The following NBAS variants were observed in gnomAD, a reference collection of about 807,000 sequenced individuals.
NBAS encodes the protein NBAS subunit of NRZ tethering complex.
A neutral mutation model predicts 302.5 loss-of-function variants in NBAS; 219 were observed. The ratio of observed to expected loss-of-function variants is 0.72; its 90% CI spans 0.65 to 0.81. The LOEUF is 0.81. Ranked by LOEUF, NBAS falls within the 30% of genes least tolerant of loss-of-function variation. The pLI, the probability that NBAS is intolerant of heterozygous loss-of-function variation, is 0.00. For synonymous variants in NBAS, 1,118 were observed against 1,021.6 expected, an observed-to-expected ratio of 1.09 and a Z score of -1.80; for missense variants, 2,932 against 2,841.6, an observed-to-expected ratio of 1.03 and a Z score of -0.72.
In NBAS at chr2:15,467,652, CA is replaced by C; in HGVS notation, c.2018+11del. ...AAAGAAACTATCAAATGAACAGTAACAACTCATTTACTTGGAAAAGTTCACT... is the reference window on the plus strand; with the variant it reads ...AAAGAAACTATCAAATGAACAGTAACACTCATTTACTTGGAAAAGTTCACT... On this transcript the variant is annotated intron_variant, in intron 18 of 51. Transcript: ENST00000281513. The C allele has an allele frequency of 1.2e-6, 2 of 1,608,744 alleles. No homozygotes were observed. The highest frequency in any genetic ancestry group is 1.7e-6 in the Non-Finnish European group (2 of 1,175,664).
intron 35 of NBAS, among the ~76,000 whole-genome samples, chr2:15,337,909 C>A (rs1672665411): frequency 6.6e-6 from 1 of 152,232 alleles, no homozygotes; most frequent in Admixed American, 6.5e-5. Context: ...TAGTGGCACA[C>A]TGCTAATTAA....
At chr2:14,853,452 G>C in the NBAS span, among the ~76,000 whole-genome samples, 13 of 95,418 alleles carry the variant, frequency 1.4e-4, 5 homozygotes, top group East Asian at 5.3e-4. Flanking sequence ...GGAGAAATAG[G>C]GACACTTTTA....
chr2:15,074,609 A>G, the NBAS span, among the ~76,000 whole-genome samples: 4 of 152,054 alleles, frequency 2.6e-5, no homozygotes, highest in Admixed American at 2.6e-4. Context: ...GTTATATATT[A>G]TATAATAGGA....
chr2:15,475,263 T>TG (rs1227399388), intron 14 of NBAS, among the ~76,000 whole-genome samples: 1 of 152,172 alleles, frequency 6.6e-6, no homozygotes, highest in Non-Finnish European at 1.5e-5. Context: ...GACCAAAAGA[T>TG]AACTTTACAG....
At chr2:14,854,875 GT>G in the NBAS span, among the ~76,000 whole-genome samples, 1 of 152,204 alleles carries the variant, frequency 6.6e-6, no homozygotes, top group South Asian at 2.1e-4. Flanking sequence ...GTGAGTCCTA[GT>G]GATGAAATAG....
At chr2:14,944,308 C>CA in the NBAS span, among the ~76,000 whole-genome samples, 2 of 150,990 alleles carry the variant, frequency 1.3e-5, no homozygotes, top group Non-Finnish European at 3.0e-5. Flanking sequence ...CGTCTCAAAA[C>CA]AAAAAACAAA....
At chr2:14,945,654 T>C in the NBAS span, among the ~76,000 whole-genome samples, 1 of 151,988 alleles carries the variant, frequency 6.6e-6, no homozygotes, top group Non-Finnish European at 1.5e-5. Flanking sequence ...AAAAAATTAA[T>C]TAGAGGCTCT....
intron 5 of NBAS, 52 bp downstream of exon 5, chr2:15,553,374 T>A (rs1664472766): frequency 6.8e-7 from 1 of 1,467,242 alleles, no homozygotes; most frequent in Non-Finnish European, 9.5e-7. Context: ...ATTTATAGAG[T>A]AACAAATATT....
At chr2:14,945,040 T>A in the NBAS span, among the ~76,000 whole-genome samples, 1 of 152,202 alleles carries the variant, frequency 6.6e-6, no homozygotes, top group East Asian at 1.9e-4. Context: ...CTGGAAACTC[T>A]ACTGTGTAAC....
chr2:14,855,914 T>C, the NBAS span, among the ~76,000 whole-genome samples: 2 of 152,226 alleles, frequency 1.3e-5, no homozygotes, highest in Admixed American at 1.3e-4. Flanking sequence ...CCCCAGGGCA[T>C]TGAACACACA....
At chr2:14,944,217 G>A in the NBAS span, among the ~76,000 whole-genome samples, 3 of 152,130 alleles carry the variant, frequency 2.0e-5, no homozygotes, top group Non-Finnish European at 4.4e-5. Flanking sequence ...GGAGAATGGC[G>A]TGAACCCGGG....
At chr2:15,431,791 T>C (rs1346621517) in intron 21 of NBAS, among the ~76,000 whole-genome samples, 1 of 152,154 alleles carries the variant, frequency 6.6e-6, no homozygotes, top group Non-Finnish European at 1.5e-5. Context: ...CTAGTAGTAA[T>C]GGTATACATC....
intron 39 of NBAS, among the ~76,000 whole-genome samples, chr2:15,308,670 G>T (rs1312241808): frequency 1.3e-5 from 2 of 152,150 alleles, no homozygotes; most frequent in Non-Finnish European, 2.9e-5. Context: ...CTGCCTAATT[G>T]CCCTGGCCAG....
chr2:15,462,622 T>TGAGG (rs955419969), intron 19 of NBAS, among the ~76,000 whole-genome samples: 10 of 126,312 alleles, frequency 7.9e-5, no homozygotes, highest in Non-Finnish European at 1.5e-4. Flanking sequence ...GTGGAGGAGG[T>TGAGG]GAGGGAGGGA....
intron 25 of NBAS, 79 bp downstream of exon 25, chr2:15,415,467 C>A (rs986476759): frequency 1.6e-6 from 2 of 1,263,986 alleles, no homozygotes; most frequent in Middle Eastern, 2.5e-4. Flanking sequence ...GCAAAGCCTA[C>A]CATAAAAATT....
At chr2:15,154,350 G>A in the NBAS span, among the ~76,000 whole-genome samples, 1 of 152,174 alleles carries the variant, frequency 6.6e-6, no homozygotes, top group East Asian at 1.9e-4. Context: ...CCTCTGTGGG[G>A]AGAATGATGC....
chr2:15,456,840 C>CAAGGAA (rs1328312673), intron 21 of NBAS, among the ~76,000 whole-genome samples: 5 of 151,702 alleles, frequency 3.3e-5, no homozygotes, highest in African/African-American at 1.2e-4. Flanking sequence ...ATAGGAAGGC[C>CAAGGAA]AAGGAAGATC....
chr2:15,074,782 C>T, the NBAS span, among the ~76,000 whole-genome samples: 1 of 152,072 alleles, frequency 6.6e-6, no homozygotes, highest in South Asian at 2.1e-4. Flanking sequence ...ATATGGAAAA[C>T]CTTATATCCA....
At chr2:14,983,341 T>C in the NBAS span, among the ~76,000 whole-genome samples, 1 of 152,212 alleles carries the variant, frequency 6.6e-6, no homozygotes, top group South Asian at 2.1e-4. Flanking sequence ...TTAAAAATTC[T>C]AAAATGAATC....
Sources: gnomAD v4.1 joint callset for allele counts (sites outside exome capture counted in the v4.1 genomes callset) on GRCh38, gnomAD v4.1.1 for gene constraint, MANE v1.5 for transcripts, NCBI Gene and HGNC (gene_info 2026-07-23, HGNC 2026-07-21) for gene names.